The following LRBA variants were observed in gnomAD, a reference collection of about 807,000 sequenced individuals.
The protein encoded by LRBA is lipopolysaccharide-responsive and beige-like anchor protein.
Under a neutral mutation model 330.0 loss-of-function variants are expected in LRBA, and 176 were observed. The observed-to-expected ratio is 0.53, with a 90% CI of 0.47 to 0.60. The LOEUF (loss-of-function observed/expected upper bound fraction) is 0.60, where lower values mean the gene tolerates loss of function less well. Among genes scored for constraint, LRBA ranks in the 20% least tolerant of loss-of-function variants. The pLI is 0.00. For missense variants in LRBA, 3,259 were observed against 3,444.8 expected, an observed-to-expected ratio of 0.95 and a Z score of 1.35; for synonymous variants, 1,230 against 1,193.0, an observed-to-expected ratio of 1.03 and a Z score of -0.64.
intron 37 of LRBA, among the ~76,000 whole-genome samples, chr4:150,608,274 T>G (rs905655082): frequency 4.6e-5 from 7 of 152,142 alleles, no homozygotes; most frequent in Non-Finnish European, 1.0e-4. Context: ...TAGCATTCAT[T>G]TAACAAAAAT....
intron 37 of LRBA, among the ~76,000 whole-genome samples, chr4:150,606,998 A>G (rs1774710297): frequency 6.6e-6 from 1 of 152,350 alleles, no homozygotes; most frequent in Non-Finnish European, 1.5e-5. Flanking sequence ...GAGTCTGCTG[A>G]ACAAAATGGA....
intron 36 of LRBA, among the ~76,000 whole-genome samples, chr4:150,731,510 A>C (rs945809106): frequency 6.6e-6 from 1 of 152,226 alleles, no homozygotes. Context: ...ATGAAAATGG[A>C]GATCATTATG....
At chr4:150,765,214 G>A (rs898670389) in intron 34 of LRBA, among the ~76,000 whole-genome samples, 1 of 152,008 alleles carries the variant, frequency 6.6e-6, no homozygotes, top group African/African-American at 2.4e-5. Context: ...TTTTGGAAAA[G>A]GCAAAACTAT....
chr4:150,423,251 G>A lies in LRBA; in HGVS notation c.7042-7661C>T, dbSNP rs1442723963. Reference sequence around the variant, plus strand: ...CTGCCAAGCAAACAAGAGCTGACACGCAGCCGCCTCCCAGCATCTCCTGTA... The same window carrying A: ...CTGCCAAGCAAACAAGAGCTGACACACAGCCGCCTCCCAGCATCTCCTGTA... On this transcript the variant is annotated intron_variant, in intron 46 of 56. Coordinates refer to ENST00000651943, the MANE Select transcript of LRBA (RefSeq NM_001364905.1). The A allele has an allele frequency of 1.2e-5, 14 of 1,139,506 alleles. No individual in the cohort carries two copies. In the South Asian group the frequency reaches 1.2e-4, roughly 10 times the overall value. 70.6% of individuals were successfully genotyped at this position (1,139,506 alleles called of 1,614,324 possible).
At chr4:150,530,381 T>C (rs1581594598) in intron 40 of LRBA, among the ~76,000 whole-genome samples, 1 of 152,134 alleles carries the variant, frequency 6.6e-6, no homozygotes, top group Admixed American at 6.6e-5. Flanking sequence ...ATAGTAGACA[T>C]TGTTAGGGCT....
intron 48 of LRBA, among the ~76,000 whole-genome samples, chr4:150,344,771 G>C (rs986176168): frequency 6.6e-6 from 1 of 152,064 alleles, no homozygotes; most frequent in Non-Finnish European, 1.5e-5. Flanking sequence ...GGCTGGTCTT[G>C]AACTCCCAGC....
chr4:150,427,145 T>C lies in LRBA; in HGVS notation c.7041+8444A>G, dbSNP rs112968679. Among the ~76,000 whole-genome samples the C allele has an allele frequency of 8.7e-3, 1,327 of 152,080 alleles. 18 individuals carry two copies. The highest frequency in any genetic ancestry group is 0.03 in the African/African-American group (1,263 of 41,534). On this transcript the variant is annotated intron_variant, in intron 46 of 56. Coordinates refer to ENST00000651943, the MANE Select transcript of LRBA (RefSeq NM_001364905.1). ...ATCTCAGTATCTAAGAACGCATTAA[T>C]GAACAGTCTACATTTTCTAGTTGAA...
chr4:150,318,058 C>T (rs985368475), intron 50 of LRBA, among the ~76,000 whole-genome samples: 4 of 152,134 alleles, frequency 2.6e-5, no homozygotes. Context: ...ACACTGAGCC[C>T]AGGGAGCTCG....
At chr4:150,611,960 T>C (rs1237455122) in intron 37 of LRBA, among the ~76,000 whole-genome samples, 1 of 152,132 alleles carries the variant, frequency 6.6e-6, no homozygotes, top group East Asian at 1.9e-4. Context: ...TGGAGTGCAG[T>C]GGCACAATCA....
At chr4:150,627,177 T>C (rs1285317817) in intron 37 of LRBA, among the ~76,000 whole-genome samples, 2 of 152,112 alleles carry the variant, frequency 1.3e-5, no homozygotes, top group South Asian at 2.1e-4. Context: ...CCTGGTCCTA[T>C]TTCAACAAAA....
chr4:150,709,189 G>A (rs1785937700), intron 36 of LRBA, among the ~76,000 whole-genome samples: 1 of 151,842 alleles, frequency 6.6e-6, no homozygotes, highest in Admixed American at 6.6e-5. Context: ...AAATTGTGAA[G>A]CCTAGAACCC....
rs74809059 is a variant in LRBA, at chr4:150,480,362, G to A, written c.6551+7370C>T. On this transcript the variant is annotated intron_variant, in intron 42 of 56. Coordinates refer to ENST00000651943, the MANE Select transcript of LRBA (RefSeq NM_001364905.1). ...ACATTCAAATACAAAACTAATATGT[G>A]AATTCTGATTTACCAGAGGCTACAC... 7.5e-3 allele frequency among the ~76,000 whole-genome samples: 1,142 copies of A among 152,004 alleles called. 6 individuals are homozygous for A. The highest frequency in any genetic ancestry group is 0.012 in the Non-Finnish European group (819 of 67,956).
At chr4:150,564,860 C>T (rs12508417) in intron 40 of LRBA, among the ~76,000 whole-genome samples, 13,803 of 151,982 alleles carry the variant, frequency 0.091, 1,164 homozygotes, top group African/African-American at 0.22. Flanking sequence ...GAATGGCGAT[C>T]ATTAAAAAGT....
chr4:150,513,777 T>C (rs1561288120), intron 40 of LRBA, among the ~76,000 whole-genome samples: 1 of 152,188 alleles, frequency 6.6e-6, no homozygotes, highest in Non-Finnish European at 1.5e-5. Flanking sequence ...TATGACCTCA[T>C]TTACTCTTCA....
Position 150,436,852 on chromosome 4 carries a change from G to C in LRBA, c.6793C>G (p.Leu2265Val), listed in dbSNP as rs1028731646. The change falls in exon 45 of 57, where the codon CTG becomes GTG. Residue 2265 changes from leucine (L) to valine (V), a missense_variant. Leu to Val is a conservative substitution (Grantham distance 32, BLOSUM62 1). Coordinates refer to ENST00000651943, the MANE Select transcript of LRBA (RefSeq NM_001364905.1). ...FRDLSKPIGA[L>V]NPKRAAFFAE... Reference sequence around the variant, plus strand: ...AAGAATGCTGCTCTTTTTGGGTTCAGAGCTCCTATTGGCTGCCAATAGGGA... The same window carrying C: ...AAGAATGCTGCTCTTTTTGGGTTCACAGCTCCTATTGGCTGCCAATAGGGA... The C allele has an allele frequency of 3.1e-6, 5 of 1,613,452 alleles. No homozygotes were observed. The African/African-American group carries it at 6.7e-5, about 22-fold the overall frequency.
chr4:150,725,016 A>G (rs1359026986), intron 36 of LRBA, among the ~76,000 whole-genome samples: 4 of 151,660 alleles, frequency 2.6e-5, no homozygotes, highest in Admixed American at 2.6e-4. Flanking sequence ...GAACTGATCA[A>G]GAAGGAAGTA....
chr4:150,365,322 A>T (rs879874982), intron 47 of LRBA, among the ~76,000 whole-genome samples: 1 of 152,140 alleles, frequency 6.6e-6, no homozygotes, highest in Non-Finnish European at 1.5e-5. Context: ...ATGATATTTT[A>T]AAAATAAACA....
intron 9 of LRBA, 120 bp downstream of exon 9, chr4:150,914,075 A>G: frequency 1.4e-6 from 1 of 710,496 alleles, no homozygotes; most frequent in Non-Finnish European, 2.3e-6. Context: ...GTGGTATCAA[A>G]TAGTAGGTCT....
intron 56 of LRBA, among the ~76,000 whole-genome samples, chr4:150,267,405 G>A (rs1025867998): frequency 1.3e-5 from 2 of 149,596 alleles, no homozygotes; most frequent in African/African-American, 4.9e-5. Flanking sequence ...ACAAATATGT[G>A]GAAAGTAAAT....
Sources: allele counts gnomAD v4.1 joint callset (sites outside exome capture counted in the v4.1 genomes callset), GRCh38; gene constraint gnomAD v4.1.1; transcripts MANE v1.5; gene names NCBI Gene and HGNC (gene_info 2026-07-23, HGNC 2026-07-21).